The following CLYBL variants were observed in gnomAD, a reference collection of about 807,000 sequenced individuals.
CLYBL encodes citramalyl-CoA lyase, mitochondrial.
Under a neutral mutation model 38.9 loss-of-function variants are expected in CLYBL, and 31 were observed. The observed-to-expected ratio is 0.80, with a 90% confidence interval of 0.60 to 1.08. CLYBL has a LOEUF of 1.08. Ranked by LOEUF, CLYBL falls within the 50% of genes least tolerant of loss-of-function variation. CLYBL has a pLI of 0.00. For synonymous variants in CLYBL, 171 were observed against 158.6 expected (o/e 1.08, Z -0.59); for missense variants, 434 against 411.6 (o/e 1.05, Z -0.47).
intron 7 of CLYBL, among the ~76,000 whole-genome samples, chr13:99,885,420 G>A (rs571251366): frequency 6.6e-6 from 1 of 152,134 alleles, no homozygotes; most frequent in African/African-American, 2.4e-5. Flanking sequence ...TGAGGCTGAG[G>A]GGGGAGGGTC....
chr13:99,626,216 G>A (rs1039849961), intron 1 of CLYBL, among the ~76,000 whole-genome samples: 4 of 152,240 alleles, frequency 2.6e-5, no homozygotes, highest in Admixed American at 6.5e-5. Flanking sequence ...TCTGGGCAGA[G>A]TTTAAAGTAT....
chr13:99,647,415 C>T (rs1226351664), intron 1 of CLYBL, among the ~76,000 whole-genome samples: 1 of 152,040 alleles, frequency 6.6e-6, no homozygotes, highest in Non-Finnish European at 1.5e-5. Context: ...AAATCTACAT[C>T]TGTCACACGC....
chr13:99,808,787 A>G (rs1474011780), intron 2 of CLYBL, among the ~76,000 whole-genome samples: 1 of 152,278 alleles, frequency 6.6e-6, no homozygotes, highest in East Asian at 1.9e-4. Context: ...ATTTAATATT[A>G]ACTTAAAAAC....
chr13:99,707,058 C>A (rs559012628), intron 1 of CLYBL, among the ~76,000 whole-genome samples: 1 of 152,120 alleles, frequency 6.6e-6, no homozygotes, highest in South Asian at 2.1e-4. Flanking sequence ...ACACTAAGCC[C>A]CCAAGACAAG....
At chr13:99,836,738 G>A (rs150309674) in intron 2 of CLYBL, among the ~76,000 whole-genome samples, 1 of 152,206 alleles carries the variant, frequency 6.6e-6, no homozygotes, top group Non-Finnish European at 1.5e-5. Context: ...CAAGATGGTG[G>A]TGCTAGAGAG....
intron 2 of CLYBL, among the ~76,000 whole-genome samples, chr13:99,808,505 A>G (rs2050276964): frequency 6.6e-6 from 1 of 152,148 alleles, no homozygotes; most frequent in Non-Finnish European, 1.5e-5. Context: ...AAAAAAAATT[A>G]TAGACTTAAA....
At chr13:99,632,815 A>G (rs2046964675) in intron 1 of CLYBL, among the ~76,000 whole-genome samples, 1 of 152,188 alleles carries the variant, frequency 6.6e-6, no homozygotes, top group Non-Finnish European at 1.5e-5. Context: ...AGATAATAGA[A>G]GCCAAACTCA....
intron 1 of CLYBL, among the ~76,000 whole-genome samples, chr13:99,732,298 A>C (rs933207197): frequency 1.4e-5 from 2 of 147,910 alleles, no homozygotes; most frequent in African/African-American, 5.0e-5. Flanking sequence ...TCAGTCTTCC[A>C]CCTCAGCGTC....
chr13:99,726,842 A>G (rs1447937791), intron 1 of CLYBL, among the ~76,000 whole-genome samples: 1 of 152,096 alleles, frequency 6.6e-6, no homozygotes, highest in Non-Finnish European at 1.5e-5. Context: ...TGCCACAAAA[A>G]AGGCGTGCAA....
At chr13:99,765,734 A>G (rs966008298) in intron 1 of CLYBL, among the ~76,000 whole-genome samples, 4 of 151,860 alleles carry the variant, frequency 2.6e-5, no homozygotes, top group African/African-American at 9.7e-5. Flanking sequence ...TTCTAGAGAC[A>G]GGGTTTTGCC....
At chr13:99,890,816 A>C (rs2052470484) in intron 7 of CLYBL, among the ~76,000 whole-genome samples, 2 of 152,050 alleles carry the variant, frequency 1.3e-5, no homozygotes, top group Non-Finnish European at 2.9e-5. Context: ...CAACAGACTC[A>C]TCTCTTTGTA....
intron 2 of CLYBL, among the ~76,000 whole-genome samples, chr13:99,847,417 T>C (rs975293750): frequency 1.3e-5 from 2 of 152,162 alleles, no homozygotes; most frequent in African/African-American, 4.8e-5. Flanking sequence ...AAACAGTTAA[T>C]TACCTCCTCT....
At chr13:99,788,822 G>T (rs1413062569) in intron 2 of CLYBL, among the ~76,000 whole-genome samples, 1 of 152,116 alleles carries the variant, frequency 6.6e-6, no homozygotes, top group African/African-American at 2.4e-5. Flanking sequence ...CTGTGAATCC[G>T]TCTGGTCCTG....
At chr13:99,802,643 C>T (rs557582016) in intron 2 of CLYBL, among the ~76,000 whole-genome samples, 2 of 152,264 alleles carry the variant, frequency 1.3e-5, no homozygotes, top group South Asian at 4.2e-4. Flanking sequence ...TGAGTGACTC[C>T]ATAAATGACT....
At chr13:99,709,902 C>CTT (rs58865848) in intron 1 of CLYBL, among the ~76,000 whole-genome samples, 5 of 139,110 alleles carry the variant, frequency 3.6e-5, no homozygotes, top group South Asian at 2.3e-4. Context: ...TCGCCCCTAC[C>CTT]TTTTTTTTTT....
chr13:99,862,880 G>T, intron 3 of CLYBL, 111 bp from the exon 4 acceptor site: 1 of 472,122 alleles, frequency 2.1e-6, no homozygotes, highest in South Asian at 4.6e-5. Context: ...GGACGAAAGA[G>T]GCTTGGATAT....
chr13:99,887,668 G>A lies in CLYBL; in HGVS notation c.928-3650G>A, dbSNP rs562785685. Reference sequence around the variant, plus strand: ...CATGGGAGGCTGAGGCAGGAGGATGGCCTGAGCCTGGGAGGTCGAGGCTGC... The same window carrying A: ...CATGGGAGGCTGAGGCAGGAGGATGACCTGAGCCTGGGAGGTCGAGGCTGC... On this transcript the variant is annotated intron_variant, in intron 7 of 8. Coordinates refer to ENST00000339105, the MANE Select transcript of CLYBL (RefSeq NM_206808.5). Among the ~76,000 whole-genome samples, 187 of 152,272 alleles carry A rather than the reference G, an allele frequency of 1.2e-3. 1 individual carries two copies. The highest frequency in any genetic ancestry group is 4.3e-3 in the African/African-American group (177 of 41,566).
intron 2 of CLYBL, among the ~76,000 whole-genome samples, chr13:99,814,604 T>C (rs993822241): frequency 1.3e-5 from 2 of 151,934 alleles, no homozygotes; most frequent in Non-Finnish European, 2.9e-5. Flanking sequence ...AGCATTCACC[T>C]GTGGCCCCAG....
chr13:99,880,317 G>A (rs1386997791), intron 7 of CLYBL, among the ~76,000 whole-genome samples: 2 of 151,908 alleles, frequency 1.3e-5, no homozygotes, highest in Non-Finnish European at 2.9e-5. Flanking sequence ...TGCCCGCTTC[G>A]GCCTCCCAAA....
Sources: allele counts gnomAD v4.1 joint callset (sites outside exome capture counted in the v4.1 genomes callset), GRCh38; gene constraint gnomAD v4.1.1; transcripts MANE v1.5; gene names NCBI Gene and HGNC (gene_info 2026-07-23, HGNC 2026-07-21).